The following CSMD1 variants were observed in gnomAD, a reference collection of about 807,000 sequenced individuals.
CSMD1 encodes the protein CUB and sushi domain-containing protein 1.
A neutral mutation model predicts 417.5 loss-of-function variants in CSMD1; 213 were observed. The ratio of observed to expected loss-of-function variants is 0.51; its 90% CI spans 0.46 to 0.57. The LOEUF (loss-of-function observed/expected upper bound fraction) is 0.57. Ranked by LOEUF, CSMD1 falls within the 20% of genes least tolerant of loss-of-function variation. CSMD1 has a pLI of 0.00. For missense variants in CSMD1, 6,923 were observed against 4,529.7 expected, an observed-to-expected ratio of 1.53 and a Z score of -15.17; for synonymous variants, 2,862 against 1,736.8, an observed-to-expected ratio of 1.65 and a Z score of -16.11.
intron 1 of CSMD1, among the ~76,000 whole-genome samples, chr8:4,804,870 G>T (rs142749084): frequency 6.6e-6 from 1 of 152,218 alleles, no homozygotes; most frequent in East Asian, 1.9e-4. Flanking sequence ...CTAACAGCCT[G>T]TACCCAATCC....
chr8:3,910,098 G>C (rs1423105250), intron 5 of CSMD1, among the ~76,000 whole-genome samples: 2 of 152,176 alleles, frequency 1.3e-5, no homozygotes, highest in Non-Finnish European at 2.9e-5. Flanking sequence ...GGGGAAAGGA[G>C]AACGGAACAT....
At chr8:4,079,749 A>T (rs1020099751) in intron 3 of CSMD1, among the ~76,000 whole-genome samples, 1 of 152,158 alleles carries the variant, frequency 6.6e-6, no homozygotes, top group African/African-American at 2.4e-5. Context: ...GTAGTGATGA[A>T]AAATAGTTTA....
intron 1 of CSMD1, among the ~76,000 whole-genome samples, chr8:4,691,978 C>A (rs1288156870): frequency 6.6e-6 from 1 of 152,202 alleles, no homozygotes; most frequent in Non-Finnish European, 1.5e-5. Context: ...ATGAGCTCTC[C>A]TCTGTCTCAA....
At chr8:3,132,322 C>T (rs545610704) in intron 41 of CSMD1, among the ~76,000 whole-genome samples, 7 of 151,778 alleles carry the variant, frequency 4.6e-5, no homozygotes, top group African/African-American at 1.7e-4. Flanking sequence ...ACAGAAATTA[C>T]ATTCTCATGC....
At chr8:4,698,954 CG>C (rs1409544604) in intron 1 of CSMD1, among the ~76,000 whole-genome samples, 3 of 151,308 alleles carry the variant, frequency 2.0e-5, no homozygotes, top group African/African-American at 7.3e-5. Context: ...ATTTCACCGT[CG>C]AACGAACACG....
chr8:4,458,787 A>G (rs1563198131), intron 2 of CSMD1, among the ~76,000 whole-genome samples: 1 of 151,918 alleles, frequency 6.6e-6, no homozygotes, highest in Non-Finnish European at 1.5e-5. Context: ...ACGGTTAGGA[A>G]TATTTAATTT....
At chr8:3,483,409 C>T (rs1261557846) in intron 11 of CSMD1, among the ~76,000 whole-genome samples, 2 of 151,938 alleles carry the variant, frequency 1.3e-5, no homozygotes, top group Non-Finnish European at 2.9e-5. Context: ...TTGTCAAAAA[C>T]TATTAACTAC....
chr8:4,068,450 T>C (rs940327070), intron 3 of CSMD1, among the ~76,000 whole-genome samples: 2 of 152,218 alleles, frequency 1.3e-5, no homozygotes, highest in South Asian at 4.1e-4. Context: ...TGTATATTTT[T>C]AGAAAGAAGT....
At chr8:3,764,115 C>T (rs13250204) in intron 5 of CSMD1, among the ~76,000 whole-genome samples, 44,246 of 152,008 alleles carry the variant, frequency 0.29, 6,574 homozygotes, top group East Asian at 0.41. Context: ...TGACTAGAGG[C>T]GACCAAAGCA....
intron 3 of CSMD1, among the ~76,000 whole-genome samples, chr8:4,157,520 A>G (rs770119572): frequency 6.6e-6 from 1 of 152,124 alleles, no homozygotes; most frequent in East Asian, 1.9e-4. Flanking sequence ...GAACTGGTTA[A>G]AGCAGCTCTA....
chr8:4,836,401 G>A (rs983674778), intron 1 of CSMD1, among the ~76,000 whole-genome samples: 10 of 152,164 alleles, frequency 6.6e-5, no homozygotes, highest in African/African-American at 2.2e-4. Context: ...CGCCTCAGCT[G>A]GGATTGTTAT....
chr8:4,178,291 A>C (rs2131165058), intron 3 of CSMD1, among the ~76,000 whole-genome samples: 1 of 152,020 alleles, frequency 6.6e-6, no homozygotes, highest in Admixed American at 6.6e-5. Flanking sequence ...CAAATCAATA[A>C]ATGTAATCCA....
chr8:3,517,015 G>C (rs1352575707), intron 10 of CSMD1, among the ~76,000 whole-genome samples: 3 of 152,194 alleles, frequency 2.0e-5, no homozygotes, highest in African/African-American at 7.2e-5. Flanking sequence ...TAGGTGTCAT[G>C]GTGAGCAAAG....
intron 5 of CSMD1, among the ~76,000 whole-genome samples, chr8:3,930,538 T>A (rs1169335515): frequency 1.3e-5 from 2 of 150,364 alleles, no homozygotes; most frequent in Non-Finnish European, 3.0e-5. Context: ...TCAAAAGTTC[T>A]AAGTTGCTAG....
chr8:3,846,150 T>G (rs1181896764), intron 5 of CSMD1, among the ~76,000 whole-genome samples: 4 of 152,156 alleles, frequency 2.6e-5, no homozygotes, highest in African/African-American at 9.7e-5. Context: ...ATGATCAGGA[T>G]CAAGCATTAT....
intron 7 of CSMD1, among the ~76,000 whole-genome samples, chr8:3,680,058 C>G (rs543392388): frequency 3.7e-4 from 56 of 152,126 alleles, no homozygotes; most frequent in African/African-American, 1.3e-3. Context: ...AAATTTATAA[C>G]ACTAAATGCC....
chr8:3,449,159 T>C (rs962566396), intron 12 of CSMD1, among the ~76,000 whole-genome samples: 1 of 152,236 alleles, frequency 6.6e-6, no homozygotes, highest in South Asian at 2.1e-4. Flanking sequence ...AGTTTGCGTC[T>C]TGAAATTAGT....
At chr8:3,759,067 G>C (rs992696872) in intron 5 of CSMD1, among the ~76,000 whole-genome samples, 1 of 152,176 alleles carries the variant, frequency 6.6e-6, no homozygotes, top group African/African-American at 2.4e-5. Context: ...CAGCCCAGCT[G>C]ACACCTTGAT....
intron 3 of CSMD1, among the ~76,000 whole-genome samples, chr8:4,220,861 G>A (rs149715613): frequency 2.0e-5 from 3 of 152,264 alleles, no homozygotes; most frequent in Non-Finnish European, 4.4e-5. Context: ...AGTAGCTTGG[G>A]GTAACAAGTA....
Sources: gnomAD v4.1 joint callset for allele counts (sites outside exome capture counted in the v4.1 genomes callset) on GRCh38, gnomAD v4.1.1 for gene constraint, MANE v1.5 for transcripts, NCBI Gene and HGNC (gene_info 2026-07-23, HGNC 2026-07-21) for gene names.